ADGRB3: variants seen among roughly 807,000 people sequenced by gnomAD.
The protein encoded by ADGRB3 is adhesion G protein-coupled receptor B3, also known as brain-specific angiogenesis inhibitor 3.
In ADGRB3, 37 loss-of-function variants were observed where a neutral mutation model predicts 193.4. That is an observed-to-expected ratio of 0.19 (90% CI 0.15 to 0.25). ADGRB3 has a LOEUF of 0.25. ADGRB3 is among the 10% of genes least tolerant of loss of function. The pLI, the probability that ADGRB3 is intolerant of heterozygous loss-of-function variation, is 1.00. For missense variants in ADGRB3, 1,637 were observed against 1,852.9 expected (o/e 0.88, Z 2.14); for synonymous variants, 690 against 644.2 (o/e 1.07, Z -1.08).
chr6:68,930,424 A>G, intron 3 of ADGRB3, 135 bp from the exon 4 acceptor site: 1 of 520,286 alleles, frequency 1.9e-6, no homozygotes, highest in Non-Finnish European at 3.2e-6. Flanking sequence ...CAAGCAGATT[A>G]GCCTAGCAAG....
At chr6:69,210,431 G>A (rs1033126055) in intron 17 of ADGRB3, among the ~76,000 whole-genome samples, 4 of 151,726 alleles carry the variant, frequency 2.6e-5, no homozygotes, top group Non-Finnish European at 5.9e-5. Context: ...ATTAACGGTG[G>A]GTCTGTCTTT....
intron 24 of ADGRB3, among the ~76,000 whole-genome samples, chr6:69,335,008 G>A (rs1768817025): frequency 6.6e-6 from 1 of 152,098 alleles, no homozygotes; most frequent in South Asian, 2.1e-4. Context: ...AGCCTGAACA[G>A]ATTAGGTTGT....
In ADGRB3 at chr6:69,206,281, A is replaced by G. The variant is rs541934722; in HGVS notation, c.2481-27009A>G. ...TCTTTTCTCATTTTTCTGCCTGCTT[A>G]TATTCTAGCTGCGCTGGCAACTGAT... On this transcript the variant is annotated intron_variant, in intron 17 of 31. Transcript: ENST00000370598. 6.6e-5 allele frequency among the ~76,000 whole-genome samples: 10 copies of G among 151,934 alleles called. No homozygotes were observed. In the South Asian group the frequency reaches 1.5e-3, roughly 22 times the overall value.
chr6:68,659,306 A>C (rs1768565874), intron 3 of ADGRB3, among the ~76,000 whole-genome samples: 1 of 150,310 alleles, frequency 6.7e-6, no homozygotes. Context: ...TTTCTTGATA[A>C]AAAACAGCTA....
intron 17 of ADGRB3, among the ~76,000 whole-genome samples, chr6:69,141,333 C>T (rs554749988): frequency 2.0e-5 from 3 of 152,166 alleles, no homozygotes; most frequent in Non-Finnish European, 4.4e-5. Context: ...CCGTGTTAGC[C>T]AGGATTGTCT....
At chr6:69,271,584 G>A (rs546361073) in intron 20 of ADGRB3, among the ~76,000 whole-genome samples, 1 of 152,010 alleles carries the variant, frequency 6.6e-6, no homozygotes, top group Non-Finnish European at 1.5e-5. Context: ...TAATTATGTA[G>A]CATGTTATTC....
chr6:69,136,252 T>C (rs1774146460), intron 17 of ADGRB3, among the ~76,000 whole-genome samples: 1 of 152,050 alleles, frequency 6.6e-6, no homozygotes, highest in Non-Finnish European at 1.5e-5. Context: ...TCATCCTAAA[T>C]AAAACATTGG....
chr6:69,231,664 C>CT (rs1234107038), intron 17 of ADGRB3, among the ~76,000 whole-genome samples: 2 of 151,934 alleles, frequency 1.3e-5, no homozygotes, highest in African/African-American at 2.4e-5. Context: ...AATATAACTG[C>CT]TTTTTTAAAA....
intron 26 of ADGRB3, among the ~76,000 whole-genome samples, chr6:69,341,839 G>T (rs978387921): frequency 2.6e-5 from 4 of 152,086 alleles, no homozygotes; most frequent in Non-Finnish European, 4.4e-5. Context: ...TAAGATACAT[G>T]ATGATATACC....
At chr6:68,866,374 C>T (rs1410980440) in intron 3 of ADGRB3, among the ~76,000 whole-genome samples, 1 of 152,202 alleles carries the variant, frequency 6.6e-6, no homozygotes, top group Non-Finnish European at 1.5e-5. Context: ...TCCCCTTCAC[C>T]TTCTGCCATG....
intron 17 of ADGRB3, among the ~76,000 whole-genome samples, chr6:69,139,429 T>G (rs965893441): frequency 1.3e-5 from 2 of 152,210 alleles, no homozygotes; most frequent in Admixed American, 1.3e-4. Flanking sequence ...TTATTGTGGG[T>G]GTATAGTCAT....
intron 3 of ADGRB3, among the ~76,000 whole-genome samples, chr6:68,762,164 C>G (rs1766404546): frequency 1.3e-5 from 2 of 151,842 alleles, no homozygotes; most frequent in Non-Finnish European, 2.9e-5. Context: ...CATCTTTTTC[C>G]ACTCTTTTCT....
intron 17 of ADGRB3, among the ~76,000 whole-genome samples, chr6:69,197,178 T>C (rs990255336): frequency 6.6e-6 from 1 of 152,138 alleles, no homozygotes; most frequent in African/African-American, 2.4e-5. Flanking sequence ...TAGTCTAAAT[T>C]GAACTTTTAC....
intron 23 of ADGRB3, chr6:69,332,474 G>A (rs1768751538): frequency 7.1e-6 from 7 of 985,396 alleles, no homozygotes; most frequent in Non-Finnish European, 7.2e-6. Flanking sequence ...TGTCCTCTGT[G>A]TTGGGAATAA....
chr6:69,229,230 A>G (rs1449612322), intron 17 of ADGRB3, among the ~76,000 whole-genome samples: 1 of 152,200 alleles, frequency 6.6e-6, no homozygotes, highest in African/African-American at 2.4e-5. Context: ...AATTGAGAAC[A>G]TTTTCACATC....
chr6:69,174,628 C>T (rs1465064176), intron 17 of ADGRB3, among the ~76,000 whole-genome samples: 1 of 152,142 alleles, frequency 6.6e-6, no homozygotes, highest in Non-Finnish European at 1.5e-5. Flanking sequence ...AATGGGATTG[C>T]TGGGTCAGAT....
Position 69,372,452 on chromosome 6 carries a change from A to G in ADGRB3, c.4275+11A>G, listed in dbSNP as rs375264492. 2.1e-5 allele frequency: 27 copies of G among 1,315,052 alleles called. No homozygotes were observed. In the African/African-American group the frequency reaches 3.8e-4, roughly 18 times the overall value. The allele number at this position is 1,315,052 out of a possible 1,614,324, so 81.5% of individuals were successfully genotyped here. On this transcript the variant is annotated intron_variant, in intron 30 of 31. Coordinates refer to ENST00000370598, the MANE Select transcript of ADGRB3 (RefSeq NM_001704.3). ...GACCTTGACTTTGAGGTAAGTTTAT[A>G]TGAATTATTTTAGAATTGTAATTAC...
chr6:68,813,151 C>T (rs978061658), intron 3 of ADGRB3, among the ~76,000 whole-genome samples: 1 of 152,084 alleles, frequency 6.6e-6, no homozygotes, highest in African/African-American at 2.4e-5. Context: ...ATAAGTCTCA[C>T]GAGATCTAAT....
At chr6:69,320,581 T>C (rs1049704346) in intron 20 of ADGRB3, among the ~76,000 whole-genome samples, 1 of 151,678 alleles carries the variant, frequency 6.6e-6, no homozygotes, top group Non-Finnish European at 1.5e-5. Context: ...TTTATGCCTC[T>C]CTCTTGAACA....
Sources: gnomAD v4.1 joint callset for allele counts (sites outside exome capture counted in the v4.1 genomes callset) on GRCh38, gnomAD v4.1.1 for gene constraint, MANE v1.5 for transcripts, NCBI Gene and HGNC (gene_info 2026-07-23, HGNC 2026-07-21) for gene names.